Variants in DCHS1 observed in about 807,000 individuals in gnomAD.
DCHS1 encodes dachsous cadherin-related 1, also known as protocadherin-16.
In DCHS1, 78 loss-of-function variants were observed where a neutral mutation model predicts 213.9. That is an observed-to-expected ratio of 0.36 (90% confidence interval 0.30 to 0.44). DCHS1 has a LOEUF of 0.44. DCHS1 is among the 20% of genes least tolerant of loss of function. The pLI is 1.00. For missense variants in DCHS1, 3,946 were observed against 4,395.9 expected, an observed-to-expected ratio of 0.90 and a Z score of 2.89; for synonymous variants, 1,828 against 1,873.7, an observed-to-expected ratio of 0.98 and a Z score of 0.63.
Position 6,624,718 on chromosome 11 carries a change from G to C in DCHS1, c.7285+12C>G, listed in dbSNP as rs750889492. 6.2e-7 allele frequency: 1 copy of C among 1,613,864 alleles called. No individual in the cohort carries two copies. The highest frequency in any genetic ancestry group is 8.5e-7 in the Non-Finnish European group (1 of 1,179,830). Reference sequence around the variant, plus strand: ...AGTCAAAGGCAAGGGGCAGATCCTGGGAAAGACGCACCATTGTTGGGGTCA... The same window carrying C: ...AGTCAAAGGCAAGGGGCAGATCCTGCGAAAGACGCACCATTGTTGGGGTCA... On this transcript the variant is annotated intron_variant, in intron 20 of 20. Transcript: ENST00000299441.
chr11:6,640,335 CCA>C lies in DCHS1; in HGVS notation c.1277_1278del (p.Val426GlyfsTer13). The C allele has an allele frequency of 6.2e-7, 1 of 1,611,818 alleles. No homozygotes were observed. The highest frequency in any genetic ancestry group is 8.5e-7 in the Non-Finnish European group (1 of 1,178,896). Reference protein sequence around the residue: ...TQDSVIYLVCVARRLDREERD... With the variant: ...TQDSVIYLVCXARRLDREERD... Reference sequence around the variant, plus strand: ...CTCTCCTCTCGATCCAGCCGCCGAGCCACACACACCAGATAGATGACGCTGTC... The same window carrying C: ...CTCTCCTCTCGATCCAGCCGCCGAGCCACACACCAGATAGATGACGCTGTC... On this transcript the variant is annotated frameshift_variant, in exon 2 of 21. Coordinates refer to ENST00000299441, the MANE Select transcript of DCHS1 (RefSeq NM_003737.4). LOFTEE classifies it high-confidence loss of function. The surrounding 1 kb of genome is among the most constrained non-coding windows in gnomAD (Gnocchi z 6.5).
intron 2 of DCHS1, among the ~76,000 whole-genome samples, chr11:6,638,604 C>T (rs1007922679): frequency 6.6e-6 from 1 of 152,116 alleles, no homozygotes; most frequent in African/African-American, 2.4e-5. Context: ...TCTTCAAGGC[C>T]CCTCCTCTGG....
rs1430966567 is a variant in DCHS1, at chr11:6,625,867, T to G, written c.6731+53A>C. 6 of 1,599,884 alleles carry G rather than the reference T, an allele frequency of 3.8e-6. No individual in the cohort carries two copies. The African/African-American group carries it at 6.7e-5, about 18-fold the overall frequency. ...GACCAGATGAGTTCAAGGCAGGGCT[T>G]GAAACTGGACAGGCCCAAGATGGGG... is the stretch of plus-strand genomic sequence containing the variant. On this transcript the variant is annotated intron_variant, in intron 17 of 20. Transcript: ENST00000299441. This position sits in a 1 kb window ranked among gnomAD's most constrained non-coding sequence, Gnocchi z 5.3.
rs1430148025 is a variant in DCHS1, at chr11:6,630,028, TC to T, written c.4765del (p.Asp1589ThrfsTer29). 1 of 1,555,898 alleles carries T rather than the reference TC, an allele frequency of 6.4e-7. No individual in the cohort carries two copies. On this transcript the variant is annotated frameshift_variant, in exon 10 of 21. Coordinates refer to ENST00000299441, the MANE Select transcript of DCHS1 (RefSeq NM_003737.4). LOFTEE classifies it high-confidence loss of function. ...GCTTGAGTGCAGCCGGAAGTGGCCG[TC>T]CCCGCCAGATGCCAGCCGATAGGAC... ...RVSYRLASGG[D>X]GHFRLHSSTG...
chr11:6,643,728 C>A lies in DCHS1; in HGVS notation c.-120-1995G>T, dbSNP rs147945360. ...GTATCAATCATTTTTTATGTGCCATCTATTTGCTAATGACTTTCCAATCTC... is the reference window on the plus strand; with the variant it reads ...GTATCAATCATTTTTTATGTGCCATATATTTGCTAATGACTTTCCAATCTC... On this transcript the variant is annotated intron_variant, in intron 1 of 20. Coordinates refer to ENST00000299441, the MANE Select transcript of DCHS1 (RefSeq NM_003737.4). 2.0e-5 allele frequency among the ~76,000 whole-genome samples: 3 copies of A among 152,280 alleles called. No homozygotes were observed. The East Asian group carries it at 5.8e-4, about 29-fold the overall frequency.
intron 2 of DCHS1, among the ~76,000 whole-genome samples, chr11:6,636,826 C>T (rs1004081323): frequency 2.0e-5 from 3 of 152,144 alleles, no homozygotes; most frequent in East Asian, 1.9e-4. Flanking sequence ...CTTCAGCCAT[C>T]GTCTATACTT....
Position 6,633,950 on chromosome 11 carries a change from T to A in DCHS1, c.2057A>T (p.Tyr686Phe). ...TATACTGGCAGCATACTCCCGTGGA[T>A]AAAACTGAGGAGGGTTGTCATTCTC... ...SDENDNPPQF[Y>F]PREYAASISA... Residue 686 changes from tyrosine (Y) to phenylalanine (F), a missense_variant, in exon 4 of 21, where the codon TAT (tyrosine) becomes TTT (phenylalanine). Transcript: ENST00000299441. 3 of 1,613,928 alleles carry A rather than the reference T, an allele frequency of 1.9e-6. No homozygotes were observed. The highest frequency in any genetic ancestry group is 2.5e-6 in the Non-Finnish European group (3 of 1,179,866).
chr11:6,628,489 T>C lies in DCHS1; in HGVS notation c.5371+132A>G, dbSNP rs1296865518. The C allele has an allele frequency of 2.1e-6, 2 of 944,564 alleles. No homozygotes were observed. Among genetic ancestry groups the C allele is most frequent in the African/African-American group, 3.3e-5 (2 of 61,028 alleles). The allele number at this position is 944,564 out of a possible 1,614,324, so 58.5% of individuals were successfully genotyped here. A position where few individuals can be genotyped will look rare whatever the true frequency, so the allele number is the denominator to read the frequency against. ...TACCTAGCTACACTGGGTATAAGCA[T>C]GAAAGAAAAGGTGGACGACATCAAG... On this transcript the variant is annotated intron_variant, in intron 13 of 20. Transcript: ENST00000299441. This position sits in a 1 kb window ranked among gnomAD's most constrained non-coding sequence, Gnocchi z 4.3.
chr11:6,630,280 G>A lies in DCHS1; in HGVS notation c.4514C>T (p.Thr1505Ile), dbSNP rs749964256. The change falls in exon 10 of 21, where the codon ACC becomes ATC. Residue 1505 changes from threonine to isoleucine, a missense_variant. Coordinates refer to ENST00000299441, the MANE Select transcript of DCHS1 (RefSeq NM_003737.4). ...LSAPRGLDRE[T>I]TPALLLLVEA... is the part of the protein sequence containing the mutation. Reference sequence around the variant, plus strand: ...CACCAGCAGCAGCAGCGCGGGAGTGGTCTCTCGGTCCAGGCCGCGCGGAGC... The same window carrying A: ...CACCAGCAGCAGCAGCGCGGGAGTGATCTCTCGGTCCAGGCCGCGCGGAGC... 6.5e-7 allele frequency: 1 copy of A among 1,527,112 alleles called. No individual in the cohort carries two copies. Among genetic ancestry groups the A allele is most frequent in the South Asian group, 1.2e-5 (1 of 83,796 alleles). The allele number at this position is 1,527,112 out of a possible 1,614,324, so 94.6% of individuals were successfully genotyped here.
chr11:6,647,837 GA>G (rs1432092058), intron 1 of DCHS1, among the ~76,000 whole-genome samples: 1 of 152,198 alleles, frequency 6.6e-6, no homozygotes, highest in African/African-American at 2.4e-5. Context: ...AGGGAGGCCT[GA>G]AAAAGGAAGA....
At chr11:6,648,543 T>C (rs1856200068) in intron 1 of DCHS1, among the ~76,000 whole-genome samples, 1 of 152,112 alleles carries the variant, frequency 6.6e-6, no homozygotes, top group South Asian at 2.1e-4. Context: ...GATCAACCAA[T>C]AGCTAGCCAT....
At position 6,629,732 on chromosome 11, in the gene DCHS1, G is replaced by C. The variant is rs750210702; in HGVS notation, c.4975C>G (p.Arg1659Gly). ...FQQQEYSVLLRENNPPGTSLL... is the reference protein window; with the variant it reads ...FQQQEYSVLLGENNPPGTSLL... ...GATGTGCCAGGAGGGTTGTTCTCACGCAAGAGGACGCTGTACTCCTGCTGC... is the reference window on the plus strand; with the variant it reads ...GATGTGCCAGGAGGGTTGTTCTCACCCAAGAGGACGCTGTACTCCTGCTGC... Residue 1659 changes from arginine (R) to glycine (G), a missense_variant, in exon 11 of 21, where the codon CGT becomes GGT. Physicochemically the swap from Arg to Gly is moderately radical, Grantham distance 125. Transcript: ENST00000299441. 2 of 1,613,886 alleles carry C rather than the reference G, an allele frequency of 1.2e-6. No individual in the cohort carries two copies. Among genetic ancestry groups the C allele is most frequent in the Non-Finnish European group, 1.7e-6 (2 of 1,179,882 alleles).
Position 6,631,583 on chromosome 11 carries a change from C to T in DCHS1, c.3675+33G>A, listed in dbSNP as rs866412902. On this transcript the variant is annotated intron_variant, in intron 7 of 20. Coordinates refer to ENST00000299441, the MANE Select transcript of DCHS1 (RefSeq NM_003737.4). ...GGGGAGATCCCCACTCCCTCTCACA[C>T]TTCTCAGGACAAAGTCCTGCCACTT... The T allele has an allele frequency of 1.9e-6, 3 of 1,550,186 alleles. No homozygotes were observed. In the Middle Eastern group the frequency reaches 5.7e-4, roughly 294 times the overall value.
At chr11:6,624,954 GC>G in intron 19 of DCHS1, 86 bp from the exon 20 acceptor site, 3 of 1,560,014 alleles carry the variant, frequency 1.9e-6, no homozygotes, top group Admixed American at 3.7e-5. Flanking sequence ...GGTTCCTTGT[GC>G]CCTGCTTGGC....
At position 6,640,445 on chromosome 11, in the gene DCHS1, A is replaced by G. The variant is rs1276016869; in HGVS notation, c.1169T>C (p.Val390Ala). The change falls in exon 2 of 21, where the codon GTG becomes GCG. Residue 390 changes from valine (V) to alanine (A), a missense_variant. Physicochemically the swap from Val to Ala is moderately conservative, Grantham distance 64 (BLOSUM62 0). Coordinates refer to ENST00000299441, the MANE Select transcript of DCHS1 (RefSeq NM_003737.4). The surrounding 1 kb of genome is among the most constrained non-coding windows in gnomAD (Gnocchi z 6.5). ...PPGQLVARIS[V>A]SDPDDGDFAH... is the part of the protein sequence containing the mutation. ...AAAGTCACCATCATCTGGGTCTGACACAGAGATGCGAGCAACGAGCTGTCC... is the reference window on the plus strand; with the variant it reads ...AAAGTCACCATCATCTGGGTCTGACGCAGAGATGCGAGCAACGAGCTGTCC... 2.5e-6 allele frequency: 4 copies of G among 1,613,786 alleles called. No individual in the cohort carries two copies. Among genetic ancestry groups the G allele is most frequent in the Middle Eastern group, 1.6e-4 (1 of 6,084 alleles).
rs1855906679 is a variant in DCHS1, at chr11:6,631,459, T to A, written c.3676-52A>T. 2.5e-6 allele frequency: 4 copies of A among 1,610,738 alleles called. No homozygotes were observed. The South Asian group carries it at 4.4e-5, about 18-fold the overall frequency. ...GTCTCTTTCCTGTTCTTCAGACAACTCAGGATAAAGCTTCCCTCACCTGTG... is the reference window on the plus strand; with the variant it reads ...GTCTCTTTCCTGTTCTTCAGACAACACAGGATAAAGCTTCCCTCACCTGTG... On this transcript the variant is annotated intron_variant, in intron 7 of 20. Transcript: ENST00000299441.
In DCHS1 at chr11:6,623,586, T is replaced by C; in HGVS notation, c.8090A>G (p.Gln2697Arg). The change falls in exon 21 of 21, where the codon CAG (glutamine) becomes CGG (arginine). Residue 2697 changes from glutamine to arginine, a missense_variant. Transcript: ENST00000299441. The stretch of plus-strand genomic sequence containing the variant: ...GGCTGGGCCATGATCATTCACATCC[T>C]GGACCTCAATTGTCACTGGTGCCAA... ...FALAPVTIEV[Q>R]DVNDHGPAFP... 6.8e-6 allele frequency: 11 copies of C among 1,613,784 alleles called. No homozygotes were observed. The highest frequency in any genetic ancestry group is 9.3e-6 in the Non-Finnish European group (11 of 1,179,864).
At chr11:6,647,245 T>C (rs1017670201) in intron 1 of DCHS1, among the ~76,000 whole-genome samples, 1 of 151,994 alleles carries the variant, frequency 6.6e-6, no homozygotes, top group Non-Finnish European at 1.5e-5. Flanking sequence ...GGAGAGTGAC[T>C]GTGTATGGCA....
At position 6,622,721 on chromosome 11, in the gene DCHS1, T is replaced by C. The variant is rs760836404; in HGVS notation, c.8955A>G (p.Ser2985=). 1.9e-6 allele frequency: 3 copies of C among 1,592,326 alleles called. No individual in the cohort carries two copies. The South Asian group carries it at 3.4e-5, about 18-fold the overall frequency. Reference sequence around the variant, plus strand: ...GTGGCTCCCGGCCCAGTTTCTGCAGTGAGTCACTGGCTAGGGGTGCTGCCT... The same window carrying C: ...GTGGCTCCCGGCCCAGTTTCTGCAGCGAGTCACTGGCTAGGGGTGCTGCCT... ...MSQAAPLASD[S]LQKLGREPPS... Residue 2985 remains serine, a synonymous_variant, in exon 21 of 21, where the codon TCA becomes TCG. Transcript: ENST00000299441. The surrounding 1 kb of genome is among the most constrained non-coding windows in gnomAD (Gnocchi z 5.4).
Sources: gnomAD v4.1 joint callset for allele counts (sites outside exome capture counted in the v4.1 genomes callset) on GRCh38, gnomAD v4.1.1 for gene constraint, Gnocchi (gnomAD v3.1) non-coding constraint, MANE v1.5 for transcripts, NCBI Gene and HGNC (gene_info 2026-07-23, HGNC 2026-07-21) for gene names.